Variants in NAAA observed in about 807,000 individuals in gnomAD.
The protein encoded by NAAA is N-acylethanolamine-hydrolyzing acid amidase.
In NAAA, 39 loss-of-function variants were observed where a neutral mutation model predicts 44.8. The observed-to-expected ratio is 0.87, with a 90% confidence interval of 0.67 to 1.14. The LOEUF (loss-of-function observed/expected upper bound fraction) is 1.14, where lower values mean the gene tolerates loss of function less well. Among genes scored for constraint, NAAA ranks in the 50% most tolerant of loss-of-function variants. The probability of loss-of-function intolerance (pLI) is 0.00; values close to 1 mark genes in which losing one functional copy is unlikely to be tolerated. For missense variants in NAAA, 460 were observed against 467.8 expected (o/e 0.98, Z 0.15); for synonymous variants, 178 against 191.3 (o/e 0.93, Z 0.58).
chr4:75,935,392 A>G (rs555456368), intron 3 of NAAA: 1 of 152,348 alleles, frequency 6.6e-6, no homozygotes, highest in Non-Finnish European at 1.5e-5. Flanking sequence ...CTCAATGAAC[A>G]TTGATTAATT....
At chr4:75,917,562 T>C in intron 9 of NAAA, 1 of 176,726 alleles carries the variant, frequency 5.7e-6, no homozygotes, top group Non-Finnish European at 1.2e-5. Context: ...ACTTCCCAGG[T>C]TCAAGCAATT....
Position 75,940,185 on chromosome 4 carries a change from G to A in NAAA, c.207-20C>T. On this transcript the variant is annotated intron_variant, in intron 1 of 10. Coordinates refer to ENST00000286733, the MANE Select transcript of NAAA (RefSeq NM_014435.4). ...CTGTCCCTAGAAACAAAAAGCACAA[G>A]GGCGTCTGACCCGCTCAGAGGTCGG... 1 of 1,610,096 alleles carries A rather than the reference G, an allele frequency of 6.2e-7. No individual in the cohort carries two copies. Among genetic ancestry groups the A allele is most frequent in the Non-Finnish European group, 8.5e-7 (1 of 1,177,432 alleles).
At chr4:75,924,400 C>T (rs1242462116) in intron 5 of NAAA, among the ~76,000 whole-genome samples, 1 of 152,228 alleles carries the variant, frequency 6.6e-6, no homozygotes, top group East Asian at 1.9e-4. Context: ...TTTCATCCCA[C>T]TATTCAGAAT....
chr4:75,922,497 C>A (rs1726268122), intron 5 of NAAA, among the ~76,000 whole-genome samples: 1 of 152,128 alleles, frequency 6.6e-6, no homozygotes, highest in Non-Finnish European at 1.5e-5. Flanking sequence ...GTCAGAGAGG[C>A]CAAGAAGAAT....
Position 75,914,059 on chromosome 4 carries a change from C to T in NAAA, c.*316G>A, listed in dbSNP as rs1725447871. ...AATCATGAGAAGATGGAAATAAGGC[C>T]TGAGGATATGGCTTGATCTCTGAGA... On this transcript the variant is annotated 3_prime_UTR_variant, in exon 11 of 11. Coordinates refer to ENST00000286733, the MANE Select transcript of NAAA (RefSeq NM_014435.4). 6.1e-6 allele frequency: 6 copies of T among 985,280 alleles called. No individual in the cohort carries two copies. In the South Asian group the frequency reaches 2.8e-4, roughly 46 times the overall value. 61.0% of individuals were successfully genotyped at this position (985,280 alleles called of 1,614,324 possible).
At chr4:75,920,642 T>A in intron 7 of NAAA, 96 bp downstream of exon 7, 1 of 1,446,744 alleles carries the variant, frequency 6.9e-7, no homozygotes, top group Non-Finnish European at 9.7e-7. Context: ...TGGGAGAGGA[T>A]AGCACCCATA....
intron 8 of NAAA, chr4:75,919,607 T>G: frequency 2.2e-6 from 1 of 450,290 alleles, no homozygotes; most frequent in Non-Finnish European, 3.9e-6. Flanking sequence ...GCCTCTGGAG[T>G]AGCTTGGACT....
At chr4:75,934,127 A>C (rs1163330500) in intron 3 of NAAA, among the ~76,000 whole-genome samples, 1 of 151,096 alleles carries the variant, frequency 6.6e-6, no homozygotes, top group East Asian at 1.9e-4. Context: ...TGTAAACAAA[A>C]ACTATCAGTA....
chr4:75,911,266 T>C, downstream of NAAA: 3 of 509,038 alleles, frequency 5.9e-6, no homozygotes, highest in Non-Finnish European at 1.1e-5. Context: ...TCAGGCCATC[T>C]GGATGTATAC....
Position 75,914,883 on chromosome 4 carries a change from C to G in NAAA, c.*21G>C, listed in dbSNP as rs200652244. The G allele has an allele frequency of 2.0e-3, 3,223 of 1,613,382 alleles. 4 individuals carry two copies. Among genetic ancestry groups the G allele is most frequent in the Non-Finnish European group, 2.5e-3 (2,896 of 1,179,446 alleles). On this transcript the variant is annotated 3_prime_UTR_variant, in exon 10 of 11. Transcript: ENST00000286733. ...AACAACAAACCTTTCACAGCACGGG[C>G]GAACTCGCTCTTCTGCTGACTTACT...
downstream of NAAA, chr4:75,913,577 C>T: frequency 1.5e-6 from 1 of 682,900 alleles, no homozygotes; most frequent in Non-Finnish European, 1.8e-6. Context: ...AACATCACAA[C>T]TAAGAGAGTT....
intron 5 of NAAA, among the ~76,000 whole-genome samples, chr4:75,923,027 T>C (rs1213689148): frequency 6.6e-6 from 1 of 151,448 alleles, no homozygotes; most frequent in Non-Finnish European, 1.5e-5. Flanking sequence ...GTTTCTTTCT[T>C]CTTCCTTTTT....
chr4:75,913,724 T>G lies in NAAA; in HGVS notation c.*651A>C. The G allele has an allele frequency of 1.0e-6, 1 of 981,018 alleles. No individual in the cohort carries two copies. Among genetic ancestry groups the G allele is most frequent in the Non-Finnish European group, 1.2e-6 (1 of 826,008 alleles). The allele number at this position is 981,018 out of a possible 1,614,324, so 60.8% of individuals were successfully genotyped here. On this transcript the variant is annotated 3_prime_UTR_variant, in exon 11 of 11. Transcript: ENST00000286733. ...TTTGACATTTTATTACTTAATTATGTGACATTAAGAAATAATTTGGTTGCA... is the reference window on the plus strand; with the variant it reads ...TTTGACATTTTATTACTTAATTATGGGACATTAAGAAATAATTTGGTTGCA...
At chr4:75,915,086 C>T (rs1352037881) in intron 9 of NAAA, 101 bp from the exon 10 acceptor site, 9 of 858,886 alleles carry the variant, frequency 1.0e-5, no homozygotes, top group African/African-American at 1.7e-5. Context: ...AGATCTGGGA[C>T]AAGGCCCTTT....
intron 9 of NAAA, among the ~76,000 whole-genome samples, chr4:75,918,058 C>T (rs1467548881): frequency 6.6e-6 from 1 of 152,198 alleles, no homozygotes; most frequent in African/African-American, 2.4e-5. Context: ...ATGAACACCT[C>T]ACTGCCAGAA....
At chr4:75,930,850 A>C (rs1161074856) in intron 4 of NAAA, among the ~76,000 whole-genome samples, 1 of 152,060 alleles carries the variant, frequency 6.6e-6, no homozygotes, top group Non-Finnish European at 1.5e-5. Context: ...CACCAAGCTT[A>C]TTATTACTAC....
intron 5 of NAAA, among the ~76,000 whole-genome samples, chr4:75,924,996 A>T (rs1351360760): frequency 6.8e-6 from 1 of 147,426 alleles, no homozygotes. Context: ...GCATAACTTC[A>T]TTTTTTTTTT....
At position 75,940,828 on chromosome 4, in the gene NAAA, T is replaced by G. The variant is rs1728216679; in HGVS notation, c.122A>C (p.Asp41Ala). ...CAGCCAGCGCAGCTCGGGGACCGAG[T>G]CCAGGCTCACGTTGAAGCGCGGCGC... ...PAAPRFNVSL[D>A]SVPELRWLPV... The change falls in exon 1 of 11, where the codon GAC becomes GCC. Residue 41 changes from aspartate to alanine, a missense_variant. Asp to Ala is a moderately radical substitution (Grantham distance 126). Transcript: ENST00000286733. The G allele has an allele frequency of 6.3e-7, 1 of 1,595,012 alleles. No homozygotes were observed. Among genetic ancestry groups the G allele is most frequent in the Non-Finnish European group, 8.5e-7 (1 of 1,177,750 alleles).
At chr4:75,929,812 G>A (rs917799754) in intron 4 of NAAA, among the ~76,000 whole-genome samples, 1 of 152,120 alleles carries the variant, frequency 6.6e-6, no homozygotes, top group Non-Finnish European at 1.5e-5. Flanking sequence ...AACACTGGCC[G>A]GGCATGGTGG....
Sources: gnomAD v4.1 joint callset for allele counts (sites outside exome capture counted in the v4.1 genomes callset) on GRCh38, gnomAD v4.1.1 for gene constraint, MANE v1.5 for transcripts, NCBI Gene and HGNC (gene_info 2026-07-23, HGNC 2026-07-21) for gene names.